SLC39A11: variants seen among roughly 807,000 people sequenced by gnomAD.
SLC39A11 encodes the protein solute carrier family 39 member 11.
In SLC39A11, 33 loss-of-function variants were observed where a neutral mutation model predicts 36.1. The ratio of observed to expected loss-of-function variants is 0.91; its 90% CI spans 0.69 to 1.22. The LOEUF (loss-of-function observed/expected upper bound fraction) is 1.22, where lower values mean the gene tolerates loss of function less well. Ranked by LOEUF, SLC39A11 falls within the 50% of genes most tolerant of loss-of-function variation. The probability of loss-of-function intolerance (pLI) is 0.00; values close to 1 mark genes in which losing one functional copy is unlikely to be tolerated. For missense variants in SLC39A11, 432 were observed against 430.3 expected (o/e 1.00, Z -0.03); for synonymous variants, 166 against 170.3 (o/e 0.97, Z 0.20).
chr17:72,786,879 G>A lies in SLC39A11; in HGVS notation c.602-50160C>T, dbSNP rs150502007. Among the ~76,000 whole-genome samples, 1,193 of 152,242 alleles carry A rather than the reference G, an allele frequency of 7.8e-3. 12 individuals carry two copies. Among genetic ancestry groups the A allele is most frequent in the African/African-American group, 0.026 (1,078 of 41,548 alleles). On this transcript the variant is annotated intron_variant, in intron 6 of 9. Coordinates refer to ENST00000255559, the MANE Select transcript of SLC39A11 (RefSeq NM_139177.4). ...TTTTCACCCGGGCTGAAGTGCAATG[G>A]CGCAATCTTGGCTCATTGCAAACTC...
At position 73,041,659 on chromosome 17, in the gene SLC39A11, C is replaced by T. The variant is rs577915062; in HGVS notation, c.148-9945G>A. Reference sequence around the variant, plus strand: ...TCACCCTGATTTCACAATGAAAATCCAATGCGAGTAAAGAATCCTATGTAC... The same window carrying T: ...TCACCCTGATTTCACAATGAAAATCTAATGCGAGTAAAGAATCCTATGTAC... On this transcript the variant is annotated intron_variant, in intron 3 of 9. Transcript: ENST00000255559. Among the ~76,000 whole-genome samples the T allele has an allele frequency of 2.1e-3, 322 of 152,312 alleles. 3 individuals are homozygous for T. Among genetic ancestry groups the T allele is most frequent in the African/African-American group, 7.4e-3 (308 of 41,570 alleles).
intron 5 of SLC39A11, among the ~76,000 whole-genome samples, chr17:72,863,428 C>T (rs1042753195): frequency 2.0e-5 from 3 of 152,116 alleles, no homozygotes; most frequent in Non-Finnish European, 2.9e-5. Context: ...GGACTCAGAC[C>T]CTAGACACTG....
At chr17:72,743,564 G>A (rs891154039) in intron 6 of SLC39A11, among the ~76,000 whole-genome samples, 7 of 152,196 alleles carry the variant, frequency 4.6e-5, no homozygotes, top group African/African-American at 1.2e-4. Context: ...TTTAGAAAGC[G>A]AAACAGGAAG....
chr17:73,084,977 C>T, intron 2 of SLC39A11, 131 bp from the exon 3 acceptor site: 5 of 905,000 alleles, frequency 5.5e-6, no homozygotes, highest in South Asian at 4.2e-5. Context: ...TCGTGAGCTA[C>T]TCAGTTTATA....
At chr17:72,688,232 A>G (rs55688472) in intron 7 of SLC39A11, among the ~76,000 whole-genome samples, 46,100 of 152,168 alleles carry the variant, frequency 0.3, 6,959 homozygotes, top group Middle Eastern at 0.33. Flanking sequence ...AATAGGGCCT[A>G]AGATACCTGA....
At chr17:73,062,402 C>T (rs1033044056) in intron 3 of SLC39A11, among the ~76,000 whole-genome samples, 3 of 141,148 alleles carry the variant, frequency 2.1e-5, no homozygotes, top group Non-Finnish European at 4.5e-5. Context: ...GAGGAGGTTA[C>T]AGTGAGCTAA....
intron 7 of SLC39A11, among the ~76,000 whole-genome samples, chr17:72,734,116 T>C (rs542269616): frequency 6.6e-6 from 1 of 152,202 alleles, no homozygotes; most frequent in South Asian, 2.1e-4. Flanking sequence ...TCCACTATCC[T>C]TTTGTCCCTA....
At chr17:72,721,362 G>T (rs1003960109) in intron 7 of SLC39A11, among the ~76,000 whole-genome samples, 1 of 152,124 alleles carries the variant, frequency 6.6e-6, no homozygotes, top group South Asian at 2.1e-4. Context: ...CTCCCAAAGT[G>T]TTGGGATTAC....
intron 5 of SLC39A11, among the ~76,000 whole-genome samples, chr17:72,856,279 C>T (rs1430533489): frequency 6.6e-6 from 1 of 152,132 alleles, no homozygotes; most frequent in African/African-American, 2.4e-5. Context: ...AATGACATTT[C>T]TCTTAATGGG....
intron 5 of SLC39A11, among the ~76,000 whole-genome samples, chr17:72,932,257 A>G (rs2084443316): frequency 6.9e-6 from 1 of 144,478 alleles, no homozygotes; most frequent in Non-Finnish European, 1.5e-5. Flanking sequence ...TTAGGGATTT[A>G]TCTTTCCTCT....
chr17:72,651,461 G>T (rs936586007), intron 7 of SLC39A11, among the ~76,000 whole-genome samples: 6 of 152,184 alleles, frequency 3.9e-5, no homozygotes, highest in Non-Finnish European at 8.8e-5. Context: ...ATCTGATGTG[G>T]AGAGCTCTGG....
Position 72,757,139 on chromosome 17 carries a change from C to G in SLC39A11, c.602-20420G>C, listed in dbSNP as rs923732622. 3.9e-5 allele frequency among the ~76,000 whole-genome samples: 6 copies of G among 151,992 alleles called. No homozygotes were observed. In the South Asian group the frequency reaches 8.3e-4, roughly 21 times the overall value. On this transcript the variant is annotated intron_variant, in intron 6 of 9. Transcript: ENST00000255559. ...CGAGATCACGCCACTGCACTCCACC[C>G]TGGGAGACAAAGCAAAACTCCGTCT...
chr17:73,043,837 G>A (rs1235796845), intron 3 of SLC39A11, among the ~76,000 whole-genome samples: 1 of 152,174 alleles, frequency 6.6e-6, no homozygotes, highest in African/African-American at 2.4e-5. Flanking sequence ...TTTGCATTGA[G>A]TCAGCCTTAA....
intron 3 of SLC39A11, 88 bp downstream of exon 3, chr17:73,084,720 A>T: frequency 1.5e-6 from 2 of 1,321,426 alleles, no homozygotes; most frequent in Non-Finnish European, 2.2e-6. Context: ...TCTAGGTCGC[A>T]AGGGGAGGGA....
At chr17:72,669,532 A>G (rs940266585) in intron 7 of SLC39A11, among the ~76,000 whole-genome samples, 3 of 152,194 alleles carry the variant, frequency 2.0e-5, no homozygotes, top group Non-Finnish European at 2.9e-5. Flanking sequence ...AAGAATATCC[A>G]GAAGTGATAT....
At chr17:72,953,233 C>T (rs1343064338) in intron 4 of SLC39A11, among the ~76,000 whole-genome samples, 1 of 151,940 alleles carries the variant, frequency 6.6e-6, no homozygotes, top group Admixed American at 6.6e-5. Flanking sequence ...GGGGGCCAAT[C>T]CCTGGCTCGG....
chr17:72,791,976 A>T (rs1049046586), intron 6 of SLC39A11, among the ~76,000 whole-genome samples: 2 of 152,206 alleles, frequency 1.3e-5, no homozygotes, highest in Non-Finnish European at 2.9e-5. Flanking sequence ...ATGAGAATGG[A>T]TTAACACATG....
At chr17:72,795,631 A>G (rs2076871729) in intron 6 of SLC39A11, among the ~76,000 whole-genome samples, 1 of 152,122 alleles carries the variant, frequency 6.6e-6, no homozygotes, top group Admixed American at 6.5e-5. Flanking sequence ...TATTTCTTGA[A>G]GGGATGATAT....
intron 5 of SLC39A11, among the ~76,000 whole-genome samples, chr17:72,909,335 C>G (rs973488675): frequency 6.6e-6 from 1 of 152,210 alleles, no homozygotes; most frequent in Non-Finnish European, 1.5e-5. Flanking sequence ...AGTCACGTTG[C>G]CTGTTAGCAA....
Sources: allele counts gnomAD v4.1 joint callset (sites outside exome capture counted in the v4.1 genomes callset), GRCh38; gene constraint gnomAD v4.1.1; transcripts MANE v1.5; gene names NCBI Gene and HGNC (gene_info 2026-07-23, HGNC 2026-07-21).